The following RAB28 variants were observed in gnomAD, a reference collection of about 807,000 sequenced individuals.
The protein encoded by RAB28 is RAB28, member RAS oncogene family.
Under a neutral mutation model 31.7 loss-of-function variants are expected in RAB28, and 24 were observed. That is an observed-to-expected ratio of 0.76 (90% confidence interval 0.55 to 1.06). RAB28 has a LOEUF of 1.06. RAB28 is among the 50% of genes least tolerant of loss of function. RAB28 has a pLI of 0.00. For synonymous variants in RAB28, 100 were observed against 90.4 expected, an observed-to-expected ratio of 1.11 and a Z score of -0.60; for missense variants, 254 against 258.5, an observed-to-expected ratio of 0.98 and a Z score of 0.12.
chr4:13,397,254 T>C (rs111570369), intron 4 of RAB28, among the ~76,000 whole-genome samples: 2 of 152,044 alleles, frequency 1.3e-5, no homozygotes, highest in African/African-American at 2.4e-5. Flanking sequence ...TATAAAAATA[T>C]TAAATGGCAA....
intron 4 of RAB28, among the ~76,000 whole-genome samples, chr4:13,435,031 A>AAAGG: frequency 6.6e-6 from 1 of 150,794 alleles, no homozygotes; most frequent in African/African-American, 2.4e-5. Flanking sequence ...AAAAAAAAAA[A>AAAGG]AAAAGAAAAG....
intron 1 of RAB28, among the ~76,000 whole-genome samples, chr4:13,481,851 A>C (rs188470384): frequency 6.6e-6 from 1 of 152,138 alleles, no homozygotes; most frequent in Non-Finnish European, 1.5e-5. Flanking sequence ...AAAAGAGCCA[A>C]GAGTTAAATC....
intron 4 of RAB28, among the ~76,000 whole-genome samples, chr4:13,452,969 T>C (rs1172001047): frequency 6.6e-6 from 1 of 150,650 alleles, no homozygotes; most frequent in African/African-American, 2.5e-5. Flanking sequence ...GATATGTATA[T>C]ATTTACAATT....
At chr4:13,435,662 A>G (rs1714056681) in intron 4 of RAB28, among the ~76,000 whole-genome samples, 1 of 152,318 alleles carries the variant, frequency 6.6e-6, no homozygotes, top group Middle Eastern at 3.4e-3. Flanking sequence ...ACAACCTTCA[A>G]TATTAAACCA....
chr4:13,461,654 CCTTTT>C (rs1387092407), intron 3 of RAB28, among the ~76,000 whole-genome samples: 1 of 152,168 alleles, frequency 6.6e-6, no homozygotes, highest in Non-Finnish European at 1.5e-5. Flanking sequence ...ATATCATATT[CCTTTT>C]AATTTATCTC....
intron 4 of RAB28, among the ~76,000 whole-genome samples, chr4:13,432,235 A>G (rs774103226): frequency 6.6e-6 from 1 of 152,120 alleles, no homozygotes; most frequent in Non-Finnish European, 1.5e-5. Flanking sequence ...CAGTCACACA[A>G]AAATAAACAA....
In RAB28 at chr4:13,459,804, T is replaced by C. The variant is rs1560140945; in HGVS notation, c.391+895A>G. On this transcript the variant is annotated intron_variant, in intron 4 of 6. Transcript: ENST00000330852. ...GTAGACACTTCTTTCTTCCCTAAAA[T>C]AGGAGATCATTCAATGAAATGCATC... The C allele has an allele frequency of 2.4e-5, 29 of 1,231,014 alleles. 1 individual carries two copies. In the South Asian group the frequency reaches 3.6e-4, roughly 15 times the overall value. 76.3% of individuals were successfully genotyped at this position (1,231,014 alleles called of 1,614,324 possible).
chr4:13,388,310 T>C (rs759516315), intron 4 of RAB28, among the ~76,000 whole-genome samples: 5 of 152,090 alleles, frequency 3.3e-5, no homozygotes, highest in Admixed American at 6.5e-5. Flanking sequence ...AAAACTGGAT[T>C]TTCACATGTA....
intron 4 of RAB28, among the ~76,000 whole-genome samples, chr4:13,398,580 C>T (rs145911057): frequency 1.2e-4 from 18 of 152,168 alleles, no homozygotes; most frequent in African/African-American, 4.1e-4. Flanking sequence ...AGATAGAGAC[C>T]ATCCTGGCTA....
At chr4:13,463,490 TGCTACAACTGCAGAGCTGAGTG>T (rs1409914556) in intron 3 of RAB28, among the ~76,000 whole-genome samples, 1 of 152,170 alleles carries the variant, frequency 6.6e-6, no homozygotes, top group South Asian at 2.1e-4. Context: ...GCTGCTTTTG[TGCTACAACTGCAGAGCTGAGTG>T]GCTACAACAG....
chr4:13,428,520 C>CT (rs1424139335), intron 4 of RAB28, among the ~76,000 whole-genome samples: 4 of 152,130 alleles, frequency 2.6e-5, no homozygotes, highest in Non-Finnish European at 5.9e-5. Context: ...TCAATAAGCA[C>CT]TTTTTAAATG....
In RAB28 at chr4:13,368,536, T is replaced by C. The variant is rs1394451135; in HGVS notation, c.*22A>G. On this transcript the variant is annotated 3_prime_UTR_variant, in exon 7 of 7. Coordinates refer to ENST00000330852, the MANE Select transcript of RAB28 (RefSeq NM_001017979.3). ...CAGAGGTGAAGGGCAGCCAGAACTATCAACACAAAAGAAAAATGCGCTCAC... is the reference window on the plus strand; with the variant it reads ...CAGAGGTGAAGGGCAGCCAGAACTACCAACACAAAAGAAAAATGCGCTCAC... 1 of 1,598,980 alleles carries C rather than the reference T, an allele frequency of 6.3e-7. No individual in the cohort carries two copies. The highest frequency in any genetic ancestry group is 1.1e-5 in the South Asian group (1 of 88,936).
At chr4:13,374,794 A>G (rs1417450687) in intron 6 of RAB28, among the ~76,000 whole-genome samples, 2 of 152,050 alleles carry the variant, frequency 1.3e-5, no homozygotes, top group African/African-American at 4.8e-5. Context: ...CCATCCAACG[A>G]CATATAAAAA....
Position 13,458,596 on chromosome 4 carries a change from A to G in RAB28, c.391+2103T>C, listed in dbSNP as rs112201481. The stretch of plus-strand genomic sequence containing the variant: ...AATAAGTTAGAAAACAACGAATCAT[A>G]TAATATTTCACATACATTCATGTGT... On this transcript the variant is annotated intron_variant, in intron 4 of 6. Transcript: ENST00000330852. Among the ~76,000 whole-genome samples the G allele has an allele frequency of 1.1e-3, 171 of 152,340 alleles. 2 individuals are homozygous for G. The highest frequency in any genetic ancestry group is 3.4e-3 in the Middle Eastern group (1 of 294).
At chr4:13,466,250 A>C (rs1715837568) in intron 3 of RAB28, among the ~76,000 whole-genome samples, 2 of 151,966 alleles carry the variant, frequency 1.3e-5, no homozygotes, top group Non-Finnish European at 2.9e-5. Context: ...GCAGCAAAGG[A>C]GGAAAAAATT....
At chr4:13,471,965 A>C (rs1233711887) in intron 3 of RAB28, among the ~76,000 whole-genome samples, 1 of 152,062 alleles carries the variant, frequency 6.6e-6, no homozygotes, top group East Asian at 1.9e-4. Context: ...ACATTTTACT[A>C]AACTTACGGA....
intron 4 of RAB28, among the ~76,000 whole-genome samples, chr4:13,427,120 G>A (rs1320389600): frequency 6.6e-6 from 1 of 152,076 alleles, no homozygotes; most frequent in Non-Finnish European, 1.5e-5. Flanking sequence ...CATTATTGAG[G>A]TTTTTCTCAT....
chr4:13,385,945 T>C (rs1004320106), intron 4 of RAB28, among the ~76,000 whole-genome samples: 1 of 152,104 alleles, frequency 6.6e-6, no homozygotes, highest in Non-Finnish European at 1.5e-5. Flanking sequence ...CTTACAGACA[T>C]TGGTTTGGGC....
intron 6 of RAB28, chr4:13,370,632 T>C: frequency 2.0e-6 from 2 of 984,636 alleles, no homozygotes; most frequent in Non-Finnish European, 2.4e-6. Context: ...ATATGCCATT[T>C]ACAATTTTTA....
Sources: gnomAD v4.1 joint callset for allele counts (sites outside exome capture counted in the v4.1 genomes callset) on GRCh38, gnomAD v4.1.1 for gene constraint, MANE v1.5 for transcripts, NCBI Gene and HGNC (gene_info 2026-07-23, HGNC 2026-07-21) for gene names.